The following SBF2 variants were observed in gnomAD, a reference collection of about 807,000 sequenced individuals.
SBF2 encodes SET binding factor 2.
A neutral mutation model predicts 225.2 loss-of-function variants in SBF2; 112 were observed. That is an observed-to-expected ratio of 0.50 (90% confidence interval 0.43 to 0.58). The LOEUF (loss-of-function observed/expected upper bound fraction) is 0.58. SBF2 is among the 20% of genes least tolerant of loss of function. The pLI is 0.00. For missense variants in SBF2, 1,996 were observed against 2,206.2 expected (o/e 0.90, Z 1.91); for synonymous variants, 763 against 773.3 (o/e 0.99, Z 0.22).
chr11:9,905,941 T>A (rs1862079929), intron 16 of SBF2, among the ~76,000 whole-genome samples: 2 of 152,216 alleles, frequency 1.3e-5, no homozygotes, highest in African/African-American at 4.8e-5. Flanking sequence ...AGGTTTTTAT[T>A]TTAAAATACA....
In SBF2 at chr11:10,192,112, C is replaced by T. The variant is rs145878011; in HGVS notation, c.141+1790G>A. On this transcript the variant is annotated intron_variant, in intron 2 of 39. Coordinates refer to ENST00000256190, the MANE Select transcript of SBF2 (RefSeq NM_030962.4). ...AATCACACTAAAAGGGACATTGAAA[C>T]AGGGTTTAAAAGCTTTTATAGAACA... Among the ~76,000 whole-genome samples the T allele has an allele frequency of 1.3e-4, 20 of 152,232 alleles. 1 individual carries two copies. The highest frequency in any genetic ancestry group is 4.3e-4 in the African/African-American group (18 of 41,542).
intron 26 of SBF2, among the ~76,000 whole-genome samples, chr11:9,833,865 G>A (rs1699079994): frequency 6.6e-6 from 1 of 151,492 alleles, no homozygotes; most frequent in Non-Finnish European, 1.5e-5. Flanking sequence ...CTGCCTCCGG[G>A]GTTCAAGCAA....
intron 2 of SBF2, among the ~76,000 whole-genome samples, chr11:10,053,614 G>C (rs1950137743): frequency 6.6e-6 from 1 of 152,146 alleles, no homozygotes; most frequent in Non-Finnish European, 1.5e-5. Context: ...AAAAGACCCA[G>C]CCTGGTGGCT....
chr11:10,261,478 C>T (rs139157537), intron 1 of SBF2, among the ~76,000 whole-genome samples: 3,279 of 152,300 alleles, frequency 0.022, 92 homozygotes, highest in African/African-American at 0.065. Context: ...GCTGGGATTA[C>T]AGGCGTGAGC....
intron 2 of SBF2, among the ~76,000 whole-genome samples, chr11:10,076,680 G>T (rs1167335990): frequency 1.3e-5 from 2 of 152,236 alleles, no homozygotes; most frequent in Non-Finnish European, 2.9e-5. Flanking sequence ...CAGGCTGAAA[G>T]CATGGACTTC....
At chr11:10,010,819 T>G (rs1948421607) in intron 6 of SBF2, among the ~76,000 whole-genome samples, 1 of 152,220 alleles carries the variant, frequency 6.6e-6, no homozygotes, top group Non-Finnish European at 1.5e-5. Context: ...ATCTATAAAT[T>G]ACTTTGGGCA....
chr11:10,000,499 T>G (rs1446419389), intron 8 of SBF2, among the ~76,000 whole-genome samples: 1 of 152,220 alleles, frequency 6.6e-6, no homozygotes, highest in African/African-American at 2.4e-5. Context: ...CATACCAAAC[T>G]TCTGTTCCAC....
chr11:10,042,336 C>G (rs1291266489), intron 3 of SBF2, among the ~76,000 whole-genome samples: 1 of 152,134 alleles, frequency 6.6e-6, no homozygotes, highest in Non-Finnish European at 1.5e-5. Flanking sequence ...GAACCTCAAC[C>G]AATAGTCTGA....
intron 6 of SBF2, among the ~76,000 whole-genome samples, chr11:10,025,800 C>T (rs904810487): frequency 2.0e-5 from 3 of 152,054 alleles, no homozygotes; most frequent in Admixed American, 6.6e-5. Context: ...GGGGTGTCAG[C>T]GTGTTGGCCA....
intron 2 of SBF2, among the ~76,000 whole-genome samples, chr11:10,181,077 TC>T (rs1591154905): frequency 6.6e-6 from 1 of 152,108 alleles, no homozygotes; most frequent in African/African-American, 2.4e-5. Flanking sequence ...AAATGCTTTT[TC>T]TCTAAGTGTC....
At chr11:9,828,715 G>T in intron 28 of SBF2, 1 of 836,260 alleles carries the variant, frequency 1.2e-6, no homozygotes, top group Non-Finnish European at 1.4e-6. Context: ...ATAATAGGCT[G>T]CAGATATTTT....
rs189811531 is a variant in SBF2 at position 10,013,327 on chromosome 11, T to G, written c.620-10638A>C. Among the ~76,000 whole-genome samples the G allele has an allele frequency of 1.9e-3, 290 of 152,330 alleles. 1 individual carries two copies. The South Asian group carries it at 0.027, about 14-fold the overall frequency. On this transcript the variant is annotated intron_variant, in intron 6 of 39. Transcript: ENST00000256190. ...ATTCCACTCCATCTGGTAGCAAAGC[T>G]GGTTTTCTACCCAGCCCTACTCTGC...
chr11:10,153,491 C>T (rs751684956), intron 2 of SBF2, among the ~76,000 whole-genome samples: 5 of 152,030 alleles, frequency 3.3e-5, no homozygotes, highest in Admixed American at 2.0e-4. Context: ...AAATAAAACA[C>T]AATTTAATAA....
At chr11:9,882,789 C>CA (rs768317557) in intron 17 of SBF2, among the ~76,000 whole-genome samples, 2 of 80,562 alleles carry the variant, frequency 2.5e-5, no homozygotes, top group Non-Finnish European at 5.2e-5. Context: ...GCCTGGGTGA[C>CA]AGAGTCAAAA....
At chr11:9,794,744 C>T (rs1338430910) in intron 33 of SBF2, among the ~76,000 whole-genome samples, 4 of 126,054 alleles carry the variant, frequency 3.2e-5, no homozygotes, top group Non-Finnish European at 6.4e-5. Flanking sequence ...GTTATACTTA[C>T]TACCTTCCCA....
intron 17 of SBF2, among the ~76,000 whole-genome samples, chr11:9,880,903 G>C (rs970225350): frequency 1.3e-5 from 2 of 152,156 alleles, no homozygotes; most frequent in Non-Finnish European, 2.9e-5. Flanking sequence ...TGGATCACAA[G>C]AAATATGATT....
chr11:10,263,315 A>G (rs1360581845), intron 1 of SBF2, among the ~76,000 whole-genome samples: 1 of 152,024 alleles, frequency 6.6e-6, no homozygotes, highest in Non-Finnish European at 1.5e-5. Flanking sequence ...TGGAAGTATC[A>G]GATATAGTAA....
intron 13 of SBF2, among the ~76,000 whole-genome samples, chr11:9,983,931 C>T (rs1947075625): frequency 6.6e-6 from 1 of 152,154 alleles, no homozygotes; most frequent in South Asian, 2.1e-4. Flanking sequence ...TGAACAACAG[C>T]CTTCAGTCCT....
At chr11:10,102,745 G>A (rs766940800) in intron 2 of SBF2, among the ~76,000 whole-genome samples, 4 of 152,086 alleles carry the variant, frequency 2.6e-5, no homozygotes, top group African/African-American at 7.2e-5. Context: ...CACTGATATG[G>A]GGCCACAGTC....
Sources: gnomAD v4.1 joint callset for allele counts (sites outside exome capture counted in the v4.1 genomes callset) on GRCh38, gnomAD v4.1.1 for gene constraint, MANE v1.5 for transcripts, NCBI Gene and HGNC (gene_info 2026-07-23, HGNC 2026-07-21) for gene names.